The following SMARCA4 variants were observed in gnomAD, a reference collection of about 807,000 sequenced individuals.
The protein encoded by SMARCA4 is SWI/SNF related BAF chromatin remodeling complex subunit ATPase 4, also known as SWI/SNF-related matrix-associated actin-dependent regulator of chromatin subfamily A member 4.
In SMARCA4, 31 loss-of-function variants were observed where a neutral mutation model predicts 193.9. The ratio of observed to expected loss-of-function variants is 0.16; its 90% confidence interval spans 0.12 to 0.22. The LOEUF is 0.22. Ranked by LOEUF, SMARCA4 falls within the 10% of genes least tolerant of loss-of-function variation. SMARCA4 has a pLI of 1.00. For missense variants in SMARCA4, 1,148 were observed against 2,296.0 expected (o/e 0.50, Z 10.22); for synonymous variants, 942 against 933.1 (o/e 1.01, Z -0.17).
intron 15 of SMARCA4, 70 bp downstream of exon 15, chr19:11,010,601 C>T (rs2146243117): frequency 6.7e-7 from 1 of 1,481,548 alleles, no homozygotes; most frequent in Non-Finnish European, 9.4e-7. Flanking sequence ...GTGGTGCGGG[C>T]TTCAGACCTC....
At chr19:10,983,974 T>G in intron 1 of SMARCA4, 147 bp from the exon 2 acceptor site, 4 of 679,876 alleles carry the variant, frequency 5.9e-6, no homozygotes, top group Middle Eastern at 3.8e-4. Context: ...AGAGTGATCA[T>G]GGAGAAACGG....
At chr19:10,991,356 C>A (rs371014402) in intron 8 of SMARCA4, 33 bp downstream of exon 8, 1 of 1,562,186 alleles carries the variant, frequency 6.4e-7, no homozygotes, top group Non-Finnish European at 8.7e-7. Flanking sequence ...CCCTGCAGCC[C>A]GCCCACCTGG....
intron 1 of SMARCA4, among the ~76,000 whole-genome samples, chr19:10,969,754 G>A (rs1026497676): frequency 1.3e-5 from 2 of 152,060 alleles, no homozygotes; most frequent in African/African-American, 4.8e-5. Flanking sequence ...CTAACAGCAC[G>A]TCCCAGCCGA....
chr19:10,984,009 C>T lies in SMARCA4; in HGVS notation c.-31-112C>T, dbSNP rs1032830783. 6.3e-6 allele frequency: 5 copies of T among 794,678 alleles called. No individual in the cohort carries two copies. Among genetic ancestry groups the T allele is most frequent in the African/African-American group, 1.7e-5 (1 of 59,074 alleles). 49.2% of individuals were successfully genotyped at this position (794,678 alleles called of 1,614,324 possible). A position where few individuals can be genotyped will look rare whatever the true frequency, so the allele number is the denominator to read the frequency against. On this transcript the variant is annotated intron_variant, in intron 1 of 34. Transcript: ENST00000344626. This position sits in a 1 kb window ranked among gnomAD's most constrained non-coding sequence, Gnocchi z 4.3. Reference sequence around the variant, plus strand: ...GTTTGGGTGGCTGGTGGGGAAGGTACTGGCTTCCTGTGGGATGTAGATTCT... The same window carrying T: ...GTTTGGGTGGCTGGTGGGGAAGGTATTGGCTTCCTGTGGGATGTAGATTCT...
rs577951617 is a variant in SMARCA4 at position 11,047,190 on chromosome 19, T to C, written c.4424+5630T>C. Among the ~76,000 whole-genome samples the C allele has an allele frequency of 1.3e-3, 192 of 152,250 alleles. 4 individuals carry two copies. The South Asian group carries it at 0.035, about 27-fold the overall frequency. Reference sequence around the variant, plus strand: ...CTAGCGGTTGTTACGCTTGCAGTTATGATTTATTACAGTGCAAGGCTACAG... The same window carrying C: ...CTAGCGGTTGTTACGCTTGCAGTTACGATTTATTACAGTGCAAGGCTACAG... On this transcript the variant is annotated intron_variant, in intron 30 of 34. Transcript: ENST00000344626.
chr19:10,976,103 C>T (rs548951660), intron 1 of SMARCA4, among the ~76,000 whole-genome samples: 9 of 152,252 alleles, frequency 5.9e-5, no homozygotes, highest in South Asian at 2.1e-4. Context: ...TAAGCGGCAC[C>T]GTGTAAGACA....
chr19:10,964,996 A>G (rs1047667480), intron 1 of SMARCA4, among the ~76,000 whole-genome samples: 2 of 152,276 alleles, frequency 1.3e-5, no homozygotes, highest in Admixed American at 6.5e-5. Flanking sequence ...TGTCAAGTCA[A>G]CCACCTGGGT....
At chr19:10,972,079 C>T (rs1045043057) in intron 1 of SMARCA4, among the ~76,000 whole-genome samples, 1 of 152,084 alleles carries the variant, frequency 6.6e-6, no homozygotes, top group Non-Finnish European at 1.5e-5. Context: ...TCCCAGCCCC[C>T]ACACCGAGTA....
chr19:11,054,656 G>A (rs922407524), intron 30 of SMARCA4, among the ~76,000 whole-genome samples: 2 of 152,188 alleles, frequency 1.3e-5, no homozygotes, highest in Non-Finnish European at 2.9e-5. Flanking sequence ...GCTAGGTGTG[G>A]TGGTGCACCT....
intron 29 of SMARCA4, chr19:11,039,824 T>C: frequency 4.2e-6 from 1 of 240,614 alleles, no homozygotes; most frequent in East Asian, 7.9e-5. Flanking sequence ...GGCTCACGCC[T>C]GTAATCCCAG....
chr19:11,048,676 T>G (rs555114432), intron 30 of SMARCA4, among the ~76,000 whole-genome samples: 1 of 152,302 alleles, frequency 6.6e-6, no homozygotes, highest in Admixed American at 6.5e-5. Flanking sequence ...CCCGCTGCTG[T>G]GTTGGGGCCA....
chr19:10,989,705 C>CTTTT (rs377263433), intron 7 of SMARCA4, among the ~76,000 whole-genome samples: 1 of 142,184 alleles, frequency 7.0e-6, no homozygotes, highest in Non-Finnish European at 1.5e-5. Context: ...TTCCCTTTCC[C>CTTTT]TTTTTTTTTT....
Position 10,986,882 on chromosome 19 carries a change from CTT to C in SMARCA4, c.761-20_761-19del, listed in dbSNP as rs762611705. 10 of 1,591,264 alleles carry C rather than the reference CTT, an allele frequency of 6.3e-6. No individual in the cohort carries two copies. The highest frequency in any genetic ancestry group is 7.8e-6 in the Non-Finnish European group (9 of 1,159,668). ...ATAAACCTGGGACGCACTGTTTTCT[CTT>C]TTGTTTCTCCCTACATGTAGGTATG... On this transcript the variant is annotated intron_variant, in intron 4 of 34. Coordinates refer to ENST00000344626, the MANE Select transcript of SMARCA4 (RefSeq NM_003072.5). The surrounding 1 kb of genome is among the most constrained non-coding windows in gnomAD (Gnocchi z 6.7).
chr19:10,969,174 G>A (rs2084476884), intron 1 of SMARCA4, among the ~76,000 whole-genome samples: 1 of 152,186 alleles, frequency 6.6e-6, no homozygotes, highest in African/African-American at 2.4e-5. Flanking sequence ...CAAGAACCAG[G>A]GGCTGAACCC....
rs1409780700 is a variant in SMARCA4, at chr19:11,033,234, T to C, written c.3547-56T>C. On this transcript the variant is annotated intron_variant, in intron 25 of 34. Transcript: ENST00000344626. This position sits in a 1 kb window ranked among gnomAD's most constrained non-coding sequence, Gnocchi z 9.8. ...TCTCCAGCTAGTGTCAGAGGCCACC[T>C]TCCCTTTTATGACCTCCTGGGCTCC... 6 of 1,366,350 alleles carry C rather than the reference T, an allele frequency of 4.4e-6. No homozygotes were observed. The highest frequency in any genetic ancestry group is 1.2e-5 in the South Asian group (1 of 86,102). 84.6% of individuals were successfully genotyped at this position (1,366,350 alleles called of 1,614,324 possible). A position where few individuals can be genotyped will look rare whatever the true frequency, so the allele number is the denominator to read the frequency against.
At chr19:11,037,092 A>G (rs755627257) in intron 29 of SMARCA4, among the ~76,000 whole-genome samples, 3 of 152,244 alleles carry the variant, frequency 2.0e-5, no homozygotes, top group Non-Finnish European at 4.4e-5. Flanking sequence ...TACCGTGAAC[A>G]TTCACGTACA....
In SMARCA4 at chr19:11,030,806, G is replaced by A. The variant is rs1600365100; in HGVS notation, c.3459G>A (p.Leu1153=). 1 of 1,609,116 alleles carries A rather than the reference G, an allele frequency of 6.2e-7. No homozygotes were observed. Residue 1153 remains leucine (L), a synonymous_variant, in exon 25 of 35, where the codon CTG becomes CTA. Coordinates refer to ENST00000344626, the MANE Select transcript of SMARCA4 (RefSeq NM_003072.5). This position sits in a 1 kb window ranked among gnomAD's most constrained non-coding sequence, Gnocchi z 5.5. The part of the protein sequence containing the change: ...NEPGSEYFIF[L]LSTRAGGLGL... ...CCGGCTCTGAGTACTTCATCTTCCT[G>A]CTCAGCACCCGGGCTGGGGGGCTCG...
rs770911867 is a variant in SMARCA4, at chr19:10,984,102, G to T, written c.-31-19G>T. The T allele has an allele frequency of 6.2e-7, 1 of 1,611,742 alleles. No homozygotes were observed. The highest frequency in any genetic ancestry group is 1.1e-5 in the South Asian group (1 of 90,840). ...CGCCCTTGGTCATGAACCCCAGACT[G>T]ACCAGGACTGTCTTCCAGCAGGAGG... On this transcript the variant is annotated intron_variant, in intron 1 of 34. Coordinates refer to ENST00000344626, the MANE Select transcript of SMARCA4 (RefSeq NM_003072.5). This position sits in a 1 kb window ranked among gnomAD's most constrained non-coding sequence, Gnocchi z 4.3.
chr19:10,970,993 G>A (rs1389122919), intron 1 of SMARCA4, among the ~76,000 whole-genome samples: 1 of 152,162 alleles, frequency 6.6e-6, no homozygotes, highest in African/African-American at 2.4e-5. Flanking sequence ...GAGGTCGGGA[G>A]TTTGAGACCA....
Sources: gnomAD v4.1 joint callset for allele counts (sites outside exome capture counted in the v4.1 genomes callset) on GRCh38, gnomAD v4.1.1 for gene constraint, Gnocchi (gnomAD v3.1) non-coding constraint, MANE v1.5 for transcripts, NCBI Gene and HGNC (gene_info 2026-07-23, HGNC 2026-07-21) for gene names.